Variants in ANTXR1 observed in about 807,000 individuals in gnomAD.
ANTXR1 encodes ANTXR cell adhesion molecule 1.
Under a neutral mutation model 78.1 loss-of-function variants are expected in ANTXR1, and 19 were observed. That is an observed-to-expected ratio of 0.24 (90% CI 0.17 to 0.36). The LOEUF (loss-of-function observed/expected upper bound fraction) is 0.36, where lower values mean the gene tolerates loss of function less well. Among genes scored for constraint, ANTXR1 ranks in the 10% least tolerant of loss-of-function variants. The pLI is 1.00. For synonymous variants in ANTXR1, 273 were observed against 260.5 expected (o/e 1.05, Z -0.46); for missense variants, 518 against 718.6 (o/e 0.72, Z 3.19).
intron 17 of ANTXR1, among the ~76,000 whole-genome samples, chr2:69,231,522 A>C (rs1675596419): frequency 6.6e-6 from 1 of 152,250 alleles, no homozygotes; most frequent in African/African-American, 2.4e-5. Context: ...TTCTTGTTTC[A>C]GTATTATTCC....
At chr2:69,125,492 T>C (rs1266455137) in intron 12 of ANTXR1, among the ~76,000 whole-genome samples, 1 of 152,166 alleles carries the variant, frequency 6.6e-6, no homozygotes, top group Non-Finnish European at 1.5e-5. Flanking sequence ...CCACTGTCAA[T>C]GTCTCAGAGC....
At chr2:69,241,616 T>C (rs1433315563) in intron 17 of ANTXR1, among the ~76,000 whole-genome samples, 1 of 152,072 alleles carries the variant, frequency 6.6e-6, no homozygotes, top group Non-Finnish European at 1.5e-5. Context: ...AGGGGCTGCT[T>C]TGTTTTTCCC....
chr2:69,064,538 A>T (rs746177848), intron 3 of ANTXR1, among the ~76,000 whole-genome samples: 4 of 152,220 alleles, frequency 2.6e-5, no homozygotes, highest in Non-Finnish European at 5.9e-5. Context: ...GGGACCATAC[A>T]GTGGGAGGAG....
rs4366940 is a variant in ANTXR1, at chr2:69,040,002, G to A, written c.153-42G>A. On this transcript the variant is annotated intron_variant, in intron 1 of 17. Coordinates refer to ENST00000303714, the MANE Select transcript of ANTXR1 (RefSeq NM_032208.3). ...GATAAATAATACAAGGTAAAGACAA[G>A]TAAACACCTGAGTCACGCAACACCT... is the stretch of plus-strand genomic sequence containing the variant. 77,158 of 1,547,994 alleles carry A rather than the reference G, an allele frequency of 0.05. 2,411 individuals carry two copies. Among genetic ancestry groups the A allele is most frequent in the Admixed American group, 0.14 (8,546 of 59,714 alleles).
At chr2:69,052,356 T>A (rs1669954205) in intron 3 of ANTXR1, among the ~76,000 whole-genome samples, 1 of 152,064 alleles carries the variant, frequency 6.6e-6, no homozygotes, top group Non-Finnish European at 1.5e-5. Flanking sequence ...TATATGAGAA[T>A]TTTTTTGTAT....
At chr2:69,144,333 C>G (rs1371656821) in intron 12 of ANTXR1, among the ~76,000 whole-genome samples, 2 of 152,210 alleles carry the variant, frequency 1.3e-5, no homozygotes, top group Non-Finnish European at 2.9e-5. Flanking sequence ...TTGATCTCTG[C>G]TGTTTCTCTC....
At chr2:69,187,304 G>A (rs973103245) in intron 16 of ANTXR1, among the ~76,000 whole-genome samples, 1 of 151,828 alleles carries the variant, frequency 6.6e-6, no homozygotes, top group African/African-American at 2.4e-5. Context: ...ATTTTCCTTT[G>A]CTTGGTTTTC....
chr2:69,146,681 C>G (rs746880047), intron 12 of ANTXR1, among the ~76,000 whole-genome samples: 3 of 152,242 alleles, frequency 2.0e-5, no homozygotes, highest in Non-Finnish European at 4.4e-5. Context: ...TCAGAAGGAT[C>G]ATGGAGAATG....
intron 17 of ANTXR1, among the ~76,000 whole-genome samples, chr2:69,225,410 G>T (rs1356383006): frequency 6.6e-6 from 1 of 152,182 alleles, no homozygotes; most frequent in African/African-American, 2.4e-5. Context: ...AGCCCAGTAG[G>T]TTGAGGCTGC....
At chr2:69,182,464 T>G in intron 15 of ANTXR1, 29 bp from the exon 16 acceptor site, 1 of 1,613,590 alleles carries the variant, frequency 6.2e-7, no homozygotes, top group South Asian at 1.1e-5. Flanking sequence ...ATTTTGTCAT[T>G]TCATTTCATT....
At chr2:69,178,395 G>A (rs1014451801) in intron 14 of ANTXR1, among the ~76,000 whole-genome samples, 1 of 152,266 alleles carries the variant, frequency 6.6e-6, no homozygotes, top group African/African-American at 2.4e-5. Flanking sequence ...GGGATTAAGC[G>A]ACGGGCTCGG....
Position 69,071,736 on chromosome 2 carries a change from C to G in ANTXR1, c.379-18C>G. On this transcript the variant is annotated intron_variant, in intron 4 of 17. Transcript: ENST00000303714. ...AACAGTGGTTATAAGTCTAAGGGCT[C>G]TTTCATATGTTTTTCAGGCCAGTGA... 6.2e-7 allele frequency: 1 copy of G among 1,613,728 alleles called. No homozygotes were observed. The highest frequency in any genetic ancestry group is 8.5e-7 in the Non-Finnish European group (1 of 1,179,720).
At position 69,073,225 on chromosome 2, in the gene ANTXR1, G is replaced by A. The variant is rs922618983; in HGVS notation, c.492+124G>A. On this transcript the variant is annotated intron_variant, in intron 6 of 17. Coordinates refer to ENST00000303714, the MANE Select transcript of ANTXR1 (RefSeq NM_032208.3). ...TTGCAAATCCCCTGAATGAAATAGA[G>A]TTTCATAAGTAGAAATAATAATAAT... 2.9e-5 allele frequency: 23 copies of A among 788,812 alleles called. No individual in the cohort carries two copies. In the African/African-American group the frequency reaches 3.1e-4, roughly 11 times the overall value. The allele number at this position is 788,812 out of a possible 1,614,324, so 48.9% of individuals were successfully genotyped here.
chr2:69,131,330 A>G (rs1408959439), intron 12 of ANTXR1, among the ~76,000 whole-genome samples: 2 of 152,114 alleles, frequency 1.3e-5, no homozygotes, highest in Non-Finnish European at 2.9e-5. Context: ...TCGTGCCTTC[A>G]CTTCCTCCTC....
At chr2:69,151,117 C>G (rs1673379614) in intron 12 of ANTXR1, among the ~76,000 whole-genome samples, 1 of 151,562 alleles carries the variant, frequency 6.6e-6, no homozygotes, top group African/African-American at 2.4e-5. Context: ...TAACTTTCCC[C>G]AATTGTTAAC....
chr2:69,168,191 A>T (rs1275077636), intron 13 of ANTXR1, among the ~76,000 whole-genome samples: 3 of 152,220 alleles, frequency 2.0e-5, no homozygotes, highest in Non-Finnish European at 4.4e-5. Flanking sequence ...CAGGGGGGGT[A>T]TGAAAGATGT....
chr2:69,103,009 C>A, intron 10 of ANTXR1, 69 bp downstream of exon 10: 2 of 1,446,620 alleles, frequency 1.4e-6, no homozygotes, highest in Non-Finnish European at 1.9e-6. Flanking sequence ...CCACCCTTGT[C>A]TTCCAGCAAG....
chr2:69,024,975 A>C (rs75007438), intron 1 of ANTXR1, among the ~76,000 whole-genome samples: 9,384 of 152,256 alleles, frequency 0.062, 952 homozygotes, highest in African/African-American at 0.21. Context: ...ACTCTTCAGC[A>C]AAGTATGCAA....
chr2:69,109,051 C>A (rs1010158696), intron 10 of ANTXR1, among the ~76,000 whole-genome samples: 1 of 152,152 alleles, frequency 6.6e-6, no homozygotes, highest in Non-Finnish European at 1.5e-5. Context: ...CTGGCTCTGT[C>A]GTATCTAGCT....
Sources: gnomAD v4.1 joint callset for allele counts (sites outside exome capture counted in the v4.1 genomes callset) on GRCh38, gnomAD v4.1.1 for gene constraint, MANE v1.5 for transcripts, NCBI Gene and HGNC (gene_info 2026-07-23, HGNC 2026-07-21) for gene names.